The following RASAL1 variants were observed in gnomAD, a reference collection of about 807,000 sequenced individuals.
RASAL1 encodes rasGAP-activating-like protein 1.
RASAL1 carries 72 observed loss-of-function variants against 96.6 expected under a neutral mutation model. The observed-to-expected ratio is 0.75, with a 90% confidence interval of 0.62 to 0.91. The LOEUF (loss-of-function observed/expected upper bound fraction) is 0.91. RASAL1 is among the 40% of genes least tolerant of loss of function. RASAL1 has a pLI of 0.00. For missense variants in RASAL1, 1,016 were observed against 1,072.5 expected (o/e 0.95, Z 0.74); for synonymous variants, 405 against 430.4 (o/e 0.94, Z 0.73).
chr12:113,119,552 C>G, intron 5 of RASAL1, 109 bp from the exon 6 acceptor site: 1 of 1,111,328 alleles, frequency 9.0e-7, no homozygotes, highest in Non-Finnish European at 1.3e-6. Context: ...AGGCAACAAA[C>G]TGTTCCATGT....
intron 4 of RASAL1, among the ~76,000 whole-genome samples, chr12:113,124,770 A>C (rs905976591): frequency 1.3e-5 from 2 of 152,220 alleles, no homozygotes; most frequent in African/African-American, 4.8e-5. Flanking sequence ...GCCCTCATGA[A>C]ATAGGATTAT....
chr12:113,103,710 A>T (rs1950542225), intron 18 of RASAL1: 1 of 598,186 alleles, frequency 1.7e-6, no homozygotes, highest in African/African-American at 1.9e-5. Flanking sequence ...CTTTAGAAAT[A>T]ACACGTCGCA....
chr12:113,112,919 T>G (rs923476922), intron 12 of RASAL1, among the ~76,000 whole-genome samples: 1 of 151,450 alleles, frequency 6.6e-6, no homozygotes, highest in African/African-American at 2.4e-5. Context: ...ACCACTGCAC[T>G]GCAGCCTGGG....
chr12:113,112,202 C>A lies in RASAL1; in HGVS notation c.1258G>T (p.Gly420Trp). ...CCCACGATGGCGTCCACGATGGGCC[C>A]CAGGTAGCCCGTCAGCAGCCCCAGG... ...TSLGLLTGYL[G>W]PIVDAIVGSV... Residue 420 changes from glycine (G) to tryptophan (W), a missense_variant, in exon 13 of 21, where the codon GGG becomes TGG. Gly to Trp is a radical substitution (Grantham distance 184, BLOSUM62 -2). Transcript: ENST00000548055. The A allele has an allele frequency of 7.9e-7, 1 of 1,262,534 alleles. No homozygotes were observed. Among genetic ancestry groups the A allele is most frequent in the East Asian group, 3.1e-5 (1 of 32,250 alleles). The allele number at this position is 1,262,534 out of a possible 1,614,324, so 78.2% of individuals were successfully genotyped here. A position where few individuals can be genotyped will look rare whatever the true frequency, so the allele number is the denominator to read the frequency against.
At chr12:113,103,662 A>G in intron 18 of RASAL1, 1 of 511,868 alleles carries the variant, frequency 2.0e-6, no homozygotes, top group South Asian at 2.7e-5. Context: ...CAAGCTCATG[A>G]TGTTTGAGTA....
Position 113,115,063 on chromosome 12 carries a change from C to A in RASAL1, c.1068+137G>T. The stretch of plus-strand genomic sequence containing the variant: ...CATCCAGGTGCAACTCAGGGCAAGG[C>A]CGGGCACCAGCCGCCAGCACTGCAG... On this transcript the variant is annotated intron_variant, in intron 11 of 20. Transcript: ENST00000548055. The surrounding 1 kb of genome is among the most constrained non-coding windows in gnomAD (Gnocchi z 4.1). The A allele has an allele frequency of 8.8e-7, 1 of 1,136,034 alleles. No homozygotes were observed. The highest frequency in any genetic ancestry group is 1.3e-6 in the Non-Finnish European group (1 of 757,428). 70.4% of individuals were successfully genotyped at this position (1,136,034 alleles called of 1,614,324 possible).
At chr12:113,108,781 C>T (rs986958326) in intron 13 of RASAL1, among the ~76,000 whole-genome samples, 4 of 152,090 alleles carry the variant, frequency 2.6e-5, no homozygotes, top group African/African-American at 7.2e-5. Flanking sequence ...CCATAAGCGG[C>T]AGAGCCAGGA....
Position 113,119,375 on chromosome 12 carries a change from C to G in RASAL1, c.497G>C (p.Ser166Thr). 1 of 1,612,714 alleles carries G rather than the reference C, an allele frequency of 6.2e-7. No individual in the cohort carries two copies. Among genetic ancestry groups the G allele is most frequent in the Non-Finnish European group, 8.5e-7 (1 of 1,179,368 alleles). Residue 166 changes from serine to threonine, a missense_variant, in exon 6 of 21, where the codon AGC becomes ACC. By Grantham distance (58) the Ser-to-Thr change is moderately conservative (BLOSUM62 1). Coordinates refer to ENST00000548055, the MANE Select transcript of RASAL1 (RefSeq NM_001301202.2). ...PFARVFWGSQ[S>T]LETSTIKKTR... ...CCCACCACTCACTGAGGTCTCCAAG[C>G]TCTGGCTGCCCCAAAACACACGTGC...
chr12:113,114,761 G>C (rs1440408792), intron 12 of RASAL1, 39 bp downstream of exon 12: 5 of 1,560,016 alleles, frequency 3.2e-6, no homozygotes, highest in Non-Finnish European at 4.4e-6. Context: ...GTAGCCAAAG[G>C]GGCCCGTCGG....
At chr12:113,101,112 C>G (rs879902463) in intron 19 of RASAL1, among the ~76,000 whole-genome samples, 3 of 152,178 alleles carry the variant, frequency 2.0e-5, no homozygotes, top group Non-Finnish European at 2.9e-5. Flanking sequence ...TTATTATCCC[C>G]CTTTTCCAGA....
chr12:113,125,790 AT>A (rs1317289619), intron 4 of RASAL1, among the ~76,000 whole-genome samples: 2 of 152,366 alleles, frequency 1.3e-5, no homozygotes, highest in East Asian at 3.9e-4. Context: ...GTGAAATTTT[AT>A]TTGTACAGGC....
chr12:113,107,937 G>T, intron 14 of RASAL1, 148 bp downstream of exon 14: 1 of 891,536 alleles, frequency 1.1e-6, no homozygotes, highest in Non-Finnish European at 1.6e-6. Context: ...CTTCACCCTT[G>T]GGATGGAATG....
At chr12:113,133,283 C>A (rs1168066110) in intron 1 of RASAL1, among the ~76,000 whole-genome samples, 2 of 152,250 alleles carry the variant, frequency 1.3e-5, no homozygotes, top group African/African-American at 4.8e-5. Flanking sequence ...TGTGGCCTCT[C>A]CCACGGCCCC....
chr12:113,103,029 G>C, intron 18 of RASAL1: 2 of 300,424 alleles, frequency 6.7e-6, no homozygotes, highest in Non-Finnish European at 1.3e-5. Flanking sequence ...AGCCCTCCTT[G>C]AGTCCCCATC....
At chr12:113,108,511 C>T (rs1323703388) in intron 13 of RASAL1, among the ~76,000 whole-genome samples, 1 of 152,192 alleles carries the variant, frequency 6.6e-6, no homozygotes, top group Non-Finnish European at 1.5e-5. Flanking sequence ...GAGGGAGGCA[C>T]CATCATGAGT....
rs1360685454 is a variant in RASAL1 at position 113,108,175 on chromosome 12, G to A, written c.1422C>T (p.Phe474=). 8.7e-6 allele frequency: 14 copies of A among 1,613,364 alleles called. No homozygotes were observed. The highest frequency in any genetic ancestry group is 2.7e-5 in the African/African-American group (2 of 74,920). The change falls in exon 14 of 21, where the codon TTC becomes TTT. Residue 474 remains phenylalanine, a synonymous_variant. Transcript: ENST00000548055. ...GCTTTGGGGTAAGGATGGCAGGTGCGAAGAATCGCAAGAAGAGAAATCCAC... is the reference window on the plus strand; with the variant it reads ...GCTTTGGGGTAAGGATGGCAGGTGCAAAGAATCGCAAGAAGAGAAATCCAC... ...AISGFLFLRF[F]APAILTPKLF...
chr12:113,100,489 G>C (rs1394052493), intron 20 of RASAL1, 139 bp downstream of exon 20: 1 of 680,766 alleles, frequency 1.5e-6, no homozygotes, highest in Non-Finnish European at 2.6e-6. Context: ...AGTAGAGACA[G>C]GGTTTCACCA....
In RASAL1 at chr12:113,130,286, C is replaced by T. The variant is rs1951652285; in HGVS notation, c.122+599G>A. Reference sequence around the variant, plus strand: ...ATCCTCACACCTTCACATGTGTCCACACCGGTGCCTTTGTGACCAAATCAG... The same window carrying T: ...ATCCTCACACCTTCACATGTGTCCATACCGGTGCCTTTGTGACCAAATCAG... On this transcript the variant is annotated intron_variant, in intron 2 of 20. Transcript: ENST00000548055. The surrounding 1 kb of genome is among the most constrained non-coding windows in gnomAD (Gnocchi z 5.1). Among the ~76,000 whole-genome samples, 2 of 152,220 alleles carry T rather than the reference C, an allele frequency of 1.3e-5. No homozygotes were observed. Among genetic ancestry groups the T allele is most frequent in the Admixed American group, 1.3e-4 (2 of 15,294 alleles).
At chr12:113,105,427 G>T (rs1028123865) in intron 16 of RASAL1, among the ~76,000 whole-genome samples, 7 of 152,176 alleles carry the variant, frequency 4.6e-5, no homozygotes, top group Admixed American at 2.6e-4. Context: ...ATTGGAGAGA[G>T]GCTCAGCATC....
Sources: allele counts gnomAD v4.1 joint callset (sites outside exome capture counted in the v4.1 genomes callset), GRCh38; gene constraint gnomAD v4.1.1; non-coding constraint Gnocchi (gnomAD v3.1); transcripts MANE v1.5; gene names NCBI Gene and HGNC (gene_info 2026-07-23, HGNC 2026-07-21).